The following RAB3GAP2 variants were observed in gnomAD, a reference collection of about 807,000 sequenced individuals.
RAB3GAP2 encodes rab3 GTPase-activating protein non-catalytic subunit.
Under a neutral mutation model 185.3 loss-of-function variants are expected in RAB3GAP2, and 87 were observed. The observed-to-expected ratio is 0.47, with a 90% CI of 0.39 to 0.56. The LOEUF is 0.56. Ranked by LOEUF, RAB3GAP2 falls within the 20% of genes least tolerant of loss-of-function variation. The probability of loss-of-function intolerance (pLI) is 0.00; values close to 1 mark genes in which losing one functional copy is unlikely to be tolerated. For missense variants in RAB3GAP2, 1,492 were observed against 1,638.2 expected (o/e 0.91, Z 1.54); for synonymous variants, 554 against 576.1 (o/e 0.96, Z 0.55).
chr1:220,227,469 C>A (rs139956746), intron 2 of RAB3GAP2, among the ~76,000 whole-genome samples: 1 of 152,188 alleles, frequency 6.6e-6, no homozygotes, highest in Non-Finnish European at 1.5e-5. Context: ...AGAGCTAACA[C>A]ACTCGTGGAG....
At chr1:220,261,377 G>T (rs773530840) in intron 1 of RAB3GAP2, among the ~76,000 whole-genome samples, 5 of 152,184 alleles carry the variant, frequency 3.3e-5, no homozygotes, top group African/African-American at 1.2e-4. Context: ...TTCCAGGACT[G>T]TCACTGTGTA....
At chr1:220,251,640 T>C (rs962594660) in intron 1 of RAB3GAP2, among the ~76,000 whole-genome samples, 2 of 152,284 alleles carry the variant, frequency 1.3e-5, no homozygotes, top group Non-Finnish European at 2.9e-5. Flanking sequence ...TGATAATAAG[T>C]GTATGTGTAG....
At chr1:220,181,790 C>T (rs1382024427) in intron 21 of RAB3GAP2, among the ~76,000 whole-genome samples, 1 of 152,082 alleles carries the variant, frequency 6.6e-6, no homozygotes, top group African/African-American at 2.4e-5. Context: ...TGGTTCTTGT[C>T]TGTAATCCAA....
At chr1:220,218,741 A>T (rs1048027345) in intron 2 of RAB3GAP2, among the ~76,000 whole-genome samples, 4 of 83,006 alleles carry the variant, frequency 4.8e-5, no homozygotes, top group East Asian at 4.5e-4. Context: ...AGTATAATTT[A>T]AAAAAAAAAA....
intron 1 of RAB3GAP2, chr1:220,254,415 G>A (rs1659996744): frequency 6.2e-7 from 1 of 1,612,986 alleles, no homozygotes; most frequent in Non-Finnish European, 8.5e-7. Flanking sequence ...TGGATGAGAA[G>A]AGCCTTGCTT....
intron 29 of RAB3GAP2, 71 bp downstream of exon 29, chr1:220,159,315 A>T: frequency 7.9e-7 from 1 of 1,264,290 alleles, no homozygotes; most frequent in South Asian, 1.2e-5. Context: ...GTTCACCTAT[A>T]CAGTTAATAA....
At chr1:220,186,869 C>T (rs1211955543) in intron 17 of RAB3GAP2, among the ~76,000 whole-genome samples, 4 of 152,058 alleles carry the variant, frequency 2.6e-5, no homozygotes, top group Admixed American at 6.6e-5. Context: ...TGAGAAGAAC[C>T]GTGTGGGTTA....
chr1:220,195,340 G>C lies in RAB3GAP2; in HGVS notation c.998C>G (p.Ala333Gly). ...TQPLLSHVAL[A>G]VASKLTSALF... is the part of the protein sequence containing the mutation. ...AGCAGAAGTGAGTTTACTTGCAACT[G>C]CTAGTGCAACATGGGATAATAATGG... The change falls in exon 11 of 35, where the codon GCA becomes GGA. Residue 333 changes from alanine (A) to glycine (G), a missense_variant. Coordinates refer to ENST00000358951, the MANE Select transcript of RAB3GAP2 (RefSeq NM_012414.4). 1 of 1,613,308 alleles carries C rather than the reference G, an allele frequency of 6.2e-7. No homozygotes were observed. The highest frequency in any genetic ancestry group is 8.5e-7 in the Non-Finnish European group (1 of 1,179,288).
chr1:220,229,477 T>C (rs1453209488), intron 2 of RAB3GAP2, among the ~76,000 whole-genome samples: 1 of 152,186 alleles, frequency 6.6e-6, no homozygotes, highest in Non-Finnish European at 1.5e-5. Context: ...TAGGTTATAA[T>C]GCCATAAAGC....
intron 17 of RAB3GAP2, among the ~76,000 whole-genome samples, chr1:220,187,619 A>G (rs900290093): frequency 7.2e-5 from 11 of 152,242 alleles, no homozygotes; most frequent in African/African-American, 2.6e-4. Context: ...TGAAGCTTCC[A>G]TCAACACCCA....
intron 19 of RAB3GAP2, among the ~76,000 whole-genome samples, chr1:220,183,830 G>A (rs938615306): frequency 6.6e-6 from 1 of 151,882 alleles, no homozygotes; most frequent in Non-Finnish European, 1.5e-5. Context: ...TGGGCATAGT[G>A]GCTTATGCCT....
At chr1:220,267,470 C>A (rs1310082434) in intron 1 of RAB3GAP2, 10 of 1,403,800 alleles carry the variant, frequency 7.1e-6, no homozygotes, top group African/African-American at 1.4e-5. Flanking sequence ...TTTTCTCTTG[C>A]CAAATAAACA....
Position 220,182,899 on chromosome 1 carries a change from T to A in RAB3GAP2, c.2031A>T (p.Lys677Asn). Residue 677 changes from lysine to asparagine, a missense_variant, in exon 20 of 35, where the codon AAA becomes AAT. Physicochemically the swap from Lys to Asn is moderately conservative, Grantham distance 94. This residue lies in a region of RAB3GAP2 where 681 missense variants were observed against 689.1 expected (regional missense o/e 0.99). Coordinates refer to ENST00000358951, the MANE Select transcript of RAB3GAP2 (RefSeq NM_012414.4). Reference sequence around the variant, plus strand: ...GTAATGCCTGGAGCTTAAGCAGTTCTTTTTCATCAAGCCTTAGTAACAGAG... The same window carrying A: ...GTAATGCCTGGAGCTTAAGCAGTTCATTTTCATCAAGCCTTAGTAACAGAG... ...DLALLLRLDE[K>N]ELLKLQALLE... is the part of the protein sequence containing the mutation. The A allele has an allele frequency of 6.2e-7, 1 of 1,613,376 alleles. No homozygotes were observed. The highest frequency in any genetic ancestry group is 1.1e-5 in the South Asian group (1 of 91,064).
intron 21 of RAB3GAP2, among the ~76,000 whole-genome samples, chr1:220,176,709 C>CA (rs1373407279): frequency 1.3e-5 from 2 of 152,018 alleles, no homozygotes; most frequent in East Asian, 3.9e-4. Context: ...GCCCAGGACT[C>CA]AGAGCCTCCC....
At chr1:220,157,169 C>G (rs1390310852) in intron 31 of RAB3GAP2, 101 bp downstream of exon 31, 3 of 1,019,652 alleles carry the variant, frequency 2.9e-6, no homozygotes, top group Admixed American at 2.0e-5. Flanking sequence ...CAAATTATAC[C>G]AGTCACAAAA....
chr1:220,198,720 G>A (rs7538891), intron 9 of RAB3GAP2, among the ~76,000 whole-genome samples: 98 of 152,192 alleles, frequency 6.4e-4, no homozygotes, highest in African/African-American at 2.3e-3. Context: ...CCTTGGCTGT[G>A]CATTCTTTTT....
rs2102871802 is a variant in RAB3GAP2 at position 220,195,125 on chromosome 1, G to T, written c.1083C>A (p.Val361=). 2 of 1,614,116 alleles carry T rather than the reference G, an allele frequency of 1.2e-6. No homozygotes were observed. The highest frequency in any genetic ancestry group is 3.3e-5 in the Admixed American group (2 of 60,018). The change falls in exon 12 of 35, where the codon GTC becomes GTA. Residue 361 remains valine (V), a synonymous_variant. Coordinates refer to ENST00000358951, the MANE Select transcript of RAB3GAP2 (RefSeq NM_012414.4). ...GCTCAACCTTCGGCTTTTGCTTTTG[G>T]ACAGCTTCTTCTTCGTGCTTACTTT... The part of the protein sequence containing the change: ...GWKSKHEEEA[V]QKQKPKVEPA...
At chr1:220,170,411 T>C (rs1010277689) in intron 24 of RAB3GAP2, among the ~76,000 whole-genome samples, 1 of 151,410 alleles carries the variant, frequency 6.6e-6, no homozygotes, top group Non-Finnish European at 1.5e-5. Flanking sequence ...TAACTTAAAG[T>C]ATAATAATAA....
At chr1:220,266,761 T>C in intron 1 of RAB3GAP2, 1 of 1,590,748 alleles carries the variant, frequency 6.3e-7, no homozygotes, top group South Asian at 1.1e-5. Flanking sequence ...TTGATGAATT[T>C]GCTGTGATCC....
Sources: gnomAD v4.1 joint callset for allele counts (sites outside exome capture counted in the v4.1 genomes callset) on GRCh38, gnomAD v4.1.1 for gene constraint, gnomAD v4.1.1 regional missense constraint, MANE v1.5 for transcripts, NCBI Gene and HGNC (gene_info 2026-07-23, HGNC 2026-07-21) for gene names.